Variants in NR5A2 observed in about 807,000 individuals in gnomAD.
NR5A2 encodes CYP7A promoter-binding factor.
A neutral mutation model predicts 62.7 loss-of-function variants in NR5A2; 26 were observed. The observed-to-expected ratio is 0.41, with a 90% CI of 0.30 to 0.58. The LOEUF (loss-of-function observed/expected upper bound fraction) is 0.58. Among genes scored for constraint, NR5A2 ranks in the 20% least tolerant of loss-of-function variants. The pLI is 0.22. For synonymous variants in NR5A2, 246 were observed against 241.7 expected (o/e 1.02, Z -0.16); for missense variants, 541 against 669.1 (o/e 0.81, Z 2.11).
At chr1:200,162,081 T>C (rs764463911) in intron 7 of NR5A2, among the ~76,000 whole-genome samples, 1 of 152,204 alleles carries the variant, frequency 6.6e-6, no homozygotes, top group Non-Finnish European at 1.5e-5. Flanking sequence ...AAGACTGGCG[T>C]GTGAAACAAA....
chr1:200,042,827 A>G, intron 2 of NR5A2: 1 of 985,464 alleles, frequency 1.0e-6, no homozygotes. Context: ...TCCTGTGCAT[A>G]GTTTGTCATC....
At chr1:200,038,786 G>A (rs774282167) in intron 1 of NR5A2, 13 of 1,330,010 alleles carry the variant, frequency 9.8e-6, no homozygotes, top group South Asian at 1.2e-5. Flanking sequence ...AGACCCGGCT[G>A]CATTTACATC....
At chr1:200,139,925 C>A (rs927720285) in intron 7 of NR5A2, among the ~76,000 whole-genome samples, 3 of 152,186 alleles carry the variant, frequency 2.0e-5, no homozygotes, top group Non-Finnish European at 1.5e-5. Flanking sequence ...GGTAGCCCTA[C>A]GTCCAGTGCT....
At chr1:200,131,031 G>A (rs3790800) in intron 7 of NR5A2, among the ~76,000 whole-genome samples, 43,793 of 152,064 alleles carry the variant, frequency 0.29, 6,520 homozygotes, top group Admixed American at 0.35. Context: ...CTAATGCCTT[G>A]CTGATATATA....
chr1:200,110,642 C>T (rs995846890), intron 5 of NR5A2, among the ~76,000 whole-genome samples: 17 of 152,150 alleles, frequency 1.1e-4, no homozygotes, highest in African/African-American at 4.1e-4. Flanking sequence ...TCTCTTCAGT[C>T]CAGCACAATC....
At chr1:200,146,614 A>T (rs1248390817) in intron 7 of NR5A2, among the ~76,000 whole-genome samples, 1 of 152,244 alleles carries the variant, frequency 6.6e-6, no homozygotes, top group Non-Finnish European at 1.5e-5. Flanking sequence ...ATTAAATAAA[A>T]TTAAATCACA....
intron 2 of NR5A2, among the ~76,000 whole-genome samples, chr1:200,040,053 AC>A (rs1661993771): frequency 6.6e-6 from 1 of 152,192 alleles, no homozygotes; most frequent in African/African-American, 2.4e-5. Context: ...CTCTATGGCA[AC>A]CCAAGCAGGG....
chr1:200,163,486 G>GTTT (rs560600548), intron 7 of NR5A2, among the ~76,000 whole-genome samples: 1,609 of 142,190 alleles, frequency 0.011, 35 homozygotes, highest in African/African-American at 0.039. Flanking sequence ...TTTGTTTATT[G>GTTT]TTTTTTTTTT....
At chr1:200,058,258 C>T (rs1272571383) in intron 5 of NR5A2, 1 of 152,162 alleles carries the variant, frequency 6.6e-6, no homozygotes, top group Non-Finnish European at 1.5e-5. Context: ...AGAACCATCT[C>T]CTATGAATTG....
chr1:200,029,096 T>C (rs774900301), intron 1 of NR5A2: 19 of 446,436 alleles, frequency 4.3e-5, no homozygotes, highest in Non-Finnish European at 4.9e-5. Context: ...TCGCATCTTT[T>C]TCGTCGGGCA....
At chr1:200,095,711 C>A (rs1353199425) in intron 5 of NR5A2, among the ~76,000 whole-genome samples, 1 of 73,774 alleles carries the variant, frequency 1.4e-5, no homozygotes, top group Non-Finnish European at 2.7e-5. Flanking sequence ...CGCCACCATG[C>A]CCAGCTAATT....
At chr1:200,117,871 G>A (rs1305582484) in intron 6 of NR5A2, among the ~76,000 whole-genome samples, 2 of 151,552 alleles carry the variant, frequency 1.3e-5, no homozygotes, top group African/African-American at 2.4e-5. Flanking sequence ...TTGCCACCAC[G>A]CCTGGCTAAT....
rs1444832096 is a variant in NR5A2 at position 200,048,346 on chromosome 1, T to A, written c.638T>A (p.Ile213Asn). Residue 213 changes from isoleucine (I) to asparagine (N), a missense_variant, in exon 5 of 8, where the codon ATT (isoleucine) becomes AAT (asparagine). Ile to Asn is a moderately radical substitution (Grantham distance 149). This residue lies in a region of NR5A2 where 379 missense variants were observed against 442.0 expected (regional missense o/e 0.86). Coordinates refer to ENST00000367362, the MANE Select transcript of NR5A2 (RefSeq NM_205860.3). This position sits in a 1 kb window ranked among gnomAD's most constrained non-coding sequence, Gnocchi z 4.8. ...MPSDLTISSA[I>N]QNIHSASKGL... is the part of the protein sequence containing the mutation. ...TCTGACCTGACCATTTCCTCTGCAA[T>A]TCAAAACATCCACTCTGCCTCCAAA... is the stretch of plus-strand genomic sequence containing the variant. The A allele has an allele frequency of 3.1e-6, 5 of 1,614,018 alleles. No homozygotes were observed. Among genetic ancestry groups the A allele is most frequent in the Non-Finnish European group, 4.2e-6 (5 of 1,180,032 alleles).
intron 1 of NR5A2, chr1:200,029,075 A>G: frequency 2.2e-6 from 1 of 447,304 alleles, no homozygotes. Context: ...AGAGAGCAGC[A>G]CACAACCATT....
intron 7 of NR5A2, chr1:200,148,156 G>T: frequency 2.7e-6 from 1 of 373,112 alleles, no homozygotes; most frequent in Non-Finnish European, 4.3e-6. Flanking sequence ...GTGTCCAAGA[G>T]GAAGACCAGA....
chr1:200,042,879 CA>C (rs1268755737), intron 2 of NR5A2: 2 of 985,422 alleles, frequency 2.0e-6, no homozygotes, highest in Non-Finnish European at 2.4e-6. Flanking sequence ...GCGTCCGGAG[CA>C]AGGCGGTTAC....
chr1:200,028,658 T>C (rs930465709), intron 1 of NR5A2, among the ~76,000 whole-genome samples: 1 of 152,190 alleles, frequency 6.6e-6, no homozygotes, highest in Admixed American at 6.5e-5. Flanking sequence ...TGATCTGTAA[T>C]TATTTGTCTG....
intron 6 of NR5A2, among the ~76,000 whole-genome samples, chr1:200,120,078 T>G (rs985590401): frequency 6.6e-6 from 1 of 152,196 alleles, no homozygotes; most frequent in Non-Finnish European, 1.5e-5. Context: ...TCATGCTTTT[T>G]AGGAAACAGA....
intron 5 of NR5A2, among the ~76,000 whole-genome samples, chr1:200,051,369 CCCT>C (rs1187716701): frequency 2.6e-5 from 4 of 152,166 alleles, no homozygotes; most frequent in African/African-American, 9.7e-5. Flanking sequence ...CCTCTCTTTT[CCCT>C]CCTCTGTGGA....
Sources: gnomAD v4.1 joint callset for allele counts (sites outside exome capture counted in the v4.1 genomes callset) on GRCh38, gnomAD v4.1.1 for gene constraint, gnomAD v4.1.1 regional missense constraint, Gnocchi (gnomAD v3.1) non-coding constraint, MANE v1.5 for transcripts, NCBI Gene and HGNC (gene_info 2026-07-23, HGNC 2026-07-21) for gene names.